SCHIP1: variants seen among roughly 807,000 people sequenced by gnomAD.
SCHIP1 encodes the protein schwannomin interacting protein 1, also known as schwannomin-interacting protein 1.
Under a neutral mutation model 29.7 loss-of-function variants are expected in SCHIP1, and 8 were observed. The ratio of observed to expected loss-of-function variants is 0.27; its 90% CI spans 0.16 to 0.49. The LOEUF is 0.49. Among genes scored for constraint, SCHIP1 ranks in the 20% least tolerant of loss-of-function variants. SCHIP1 has a pLI of 0.99. For missense variants in SCHIP1, 193 were observed against 294.6 expected, an observed-to-expected ratio of 0.66 and a Z score of 2.52; for synonymous variants, 76 against 94.9, an observed-to-expected ratio of 0.80 and a Z score of 1.16.
At chr3:159,825,723 C>T in the SCHIP1 span, among the ~76,000 whole-genome samples, 61 of 152,120 alleles carry the variant, frequency 4.0e-4, no homozygotes, top group African/African-American at 1.4e-3. Flanking sequence ...TCTCACGGAG[C>T]ATACAATCTA....
At chr3:159,399,223 GATCACACTGTTTAAAATTGTA>G in the SCHIP1 span, among the ~76,000 whole-genome samples, 1 of 152,200 alleles carries the variant, frequency 6.6e-6, no homozygotes, top group African/African-American at 2.4e-5. Context: ...GCCTTACCAA[GATCACACTGTTTAAAATTGTA>G]ATCACAGCCC....
the SCHIP1 span, among the ~76,000 whole-genome samples, chr3:159,586,116 G>A: frequency 2.0e-5 from 3 of 151,998 alleles, no homozygotes; most frequent in African/African-American, 2.4e-5. Context: ...AGATAAGCCT[G>A]AGGATTTGCA....
At chr3:159,463,600 A>C in the SCHIP1 span, among the ~76,000 whole-genome samples, 1 of 152,116 alleles carries the variant, frequency 6.6e-6, no homozygotes, top group African/African-American at 2.4e-5. Flanking sequence ...CATAATACTG[A>C]AGTATCATTT....
the SCHIP1 span, among the ~76,000 whole-genome samples, chr3:159,515,784 A>G: frequency 6.6e-6 from 1 of 152,146 alleles, no homozygotes; most frequent in Admixed American, 6.5e-5. Flanking sequence ...TTTATTCTTT[A>G]TTGGAAAGCA....
the SCHIP1 span, among the ~76,000 whole-genome samples, chr3:159,694,828 G>C: frequency 6.6e-6 from 1 of 152,134 alleles, no homozygotes; most frequent in African/African-American, 2.4e-5. Context: ...CAGCACTTCA[G>C]TCCCTTCCAA....
chr3:159,690,821 A>G, the SCHIP1 span, among the ~76,000 whole-genome samples: 1 of 152,160 alleles, frequency 6.6e-6, no homozygotes, highest in African/African-American at 2.4e-5. Context: ...GCTTCAAAGA[A>G]CTTGTTTATT....
chr3:159,823,297 G>A, the SCHIP1 span, among the ~76,000 whole-genome samples: 4 of 152,164 alleles, frequency 2.6e-5, no homozygotes, highest in Non-Finnish European at 5.9e-5. Context: ...ATGGGCGGTA[G>A]GTGGTCTTAT....
At chr3:159,756,590 G>A in the SCHIP1 span, among the ~76,000 whole-genome samples, 1 of 152,178 alleles carries the variant, frequency 6.6e-6, no homozygotes, top group African/African-American at 2.4e-5. Context: ...TTAACATTCA[G>A]CTCCTTGTTA....
At chr3:159,664,364 A>T in the SCHIP1 span, among the ~76,000 whole-genome samples, 1 of 152,148 alleles carries the variant, frequency 6.6e-6, no homozygotes, top group Admixed American at 6.5e-5. Context: ...TCCCTTATTC[A>T]TTGCTTTAAG....
chr3:159,758,472 T>G, the SCHIP1 span, among the ~76,000 whole-genome samples: 1 of 152,188 alleles, frequency 6.6e-6, no homozygotes, highest in African/African-American at 2.4e-5. Flanking sequence ...TTTTGAGAAT[T>G]GCTAGCAACT....
At chr3:159,394,480 A>G in the SCHIP1 span, among the ~76,000 whole-genome samples, 2 of 152,190 alleles carry the variant, frequency 1.3e-5, no homozygotes, top group Non-Finnish European at 2.9e-5. Context: ...TTATTTTGAA[A>G]TAGGTCCCAT....
chr3:159,693,564 T>G, the SCHIP1 span, among the ~76,000 whole-genome samples: 169 of 152,312 alleles, frequency 1.1e-3, no homozygotes, highest in African/African-American at 3.8e-3. Flanking sequence ...CTCTTTCAGC[T>G]AGAATTGAAA....
At chr3:159,292,369 A>G in the SCHIP1 span, among the ~76,000 whole-genome samples, 2 of 152,190 alleles carry the variant, frequency 1.3e-5, no homozygotes, top group Non-Finnish European at 2.9e-5. Flanking sequence ...AGAATGTTGA[A>G]TTTATAGCTT....
the SCHIP1 span, among the ~76,000 whole-genome samples, chr3:159,499,321 C>A: frequency 6.6e-6 from 1 of 152,192 alleles, no homozygotes; most frequent in Non-Finnish European, 1.5e-5. Flanking sequence ...ATACTACGAT[C>A]TACTCTAAAG....
the SCHIP1 span, among the ~76,000 whole-genome samples, chr3:159,805,386 T>G: frequency 9.9e-5 from 15 of 152,134 alleles, no homozygotes; most frequent in African/African-American, 3.6e-4. Flanking sequence ...TGGGTTTACC[T>G]CTCATGAGAA....
the SCHIP1 span, among the ~76,000 whole-genome samples, chr3:159,511,774 T>C: frequency 4.9e-3 from 740 of 152,324 alleles, 6 homozygotes; most frequent in African/African-American, 0.016. Flanking sequence ...CTAATAAATT[T>C]TTAAGACTAT....
the SCHIP1 span, among the ~76,000 whole-genome samples, chr3:159,715,546 G>A: frequency 2.0e-5 from 3 of 152,220 alleles, no homozygotes; most frequent in Non-Finnish European, 4.4e-5. Flanking sequence ...ACAGCGTAGA[G>A]AAGACCTTAA....
the SCHIP1 span, among the ~76,000 whole-genome samples, chr3:159,667,028 A>C: frequency 6.6e-6 from 1 of 152,234 alleles, no homozygotes; most frequent in Non-Finnish European, 1.5e-5. Flanking sequence ...GTGAGAGTGC[A>C]TGAAATAATG....
the SCHIP1 span, among the ~76,000 whole-genome samples, chr3:159,801,685 AT>A: frequency 6.6e-6 from 1 of 152,184 alleles, no homozygotes; most frequent in Non-Finnish European, 1.5e-5. Flanking sequence ...AAATCAGAGT[AT>A]CTTCTTTTAA....
Sources: gnomAD v4.1 joint callset for allele counts (sites outside exome capture counted in the v4.1 genomes callset) on GRCh38, gnomAD v4.1.1 for gene constraint, MANE v1.5 for transcripts, NCBI Gene and HGNC (gene_info 2026-07-23, HGNC 2026-07-21) for gene names.